ODF2L: variants seen among roughly 807,000 people sequenced by gnomAD.
ODF2L encodes outer dense fiber of sperm tails 2 like.
In ODF2L, 76 loss-of-function variants were observed where a neutral mutation model predicts 86.3. The ratio of observed to expected loss-of-function variants is 0.88; its 90% CI spans 0.73 to 1.07. The LOEUF (loss-of-function observed/expected upper bound fraction) is 1.07. ODF2L is among the 50% of genes least tolerant of loss of function. ODF2L has a pLI of 0.00. For synonymous variants in ODF2L, 241 were observed against 231.3 expected (o/e 1.04, Z -0.38); for missense variants, 748 against 717.4 (o/e 1.04, Z -0.49).
At position 86,354,851 on chromosome 1, in the gene ODF2L, TC is replaced by T; in HGVS notation, c.1526del (p.Gly509GlufsTer6). 1 of 1,588,838 alleles carries T rather than the reference TC, an allele frequency of 6.3e-7. No individual in the cohort carries two copies. The highest frequency in any genetic ancestry group is 8.6e-7 in the Non-Finnish European group (1 of 1,163,062). ...AAAGCTTTGTCAGAAGATTGTGATT[TC>T]CATCAACCTAAAAGAAAAAAAAAAG... On this transcript the variant is annotated frameshift_variant, in exon 15 of 18. Coordinates refer to ENST00000317336, the Ensembl canonical transcript of ODF2L. LOFTEE classifies it high-confidence loss of function.
chr1:86,362,107 G>A (rs1279208019), intron 11 of ODF2L, among the ~76,000 whole-genome samples: 1 of 151,988 alleles, frequency 6.6e-6, no homozygotes, highest in Non-Finnish European at 1.5e-5. Flanking sequence ...CAACAAGAAA[G>A]CCAGTGAGGT....
At chr1:86,386,990 T>A (rs1226618421) in exon 2 of ODF2L, 1 of 1,585,530 alleles carries the variant, frequency 6.3e-7, no homozygotes. Flanking sequence ...GCAAAAGAGT[T>A]CTTCTGAATG....
chr1:86,383,487 TGTATAGA>T (rs1660725077), intron 4 of ODF2L, among the ~76,000 whole-genome samples: 1 of 151,744 alleles, frequency 6.6e-6, no homozygotes, highest in African/African-American at 2.4e-5. Context: ...GTATAGAGTT[TGTATAGA>T]GTATAGAATG....
chr1:86,393,337 T>C (rs560209485), intron 1 of ODF2L, among the ~76,000 whole-genome samples: 1 of 151,174 alleles, frequency 6.6e-6, no homozygotes, highest in Non-Finnish European at 1.5e-5. Context: ...TTTTTCCCCC[T>C]ACTATTCTGG....
chr1:86,352,229 T>C, intron 17 of ODF2L: 1 of 1,488,744 alleles, frequency 6.7e-7, no homozygotes, highest in Admixed American at 2.4e-5. Flanking sequence ...CACAGTATCA[T>C]TATTCTCTAT....
At chr1:86,373,757 T>C (rs1190070446) in intron 8 of ODF2L, among the ~76,000 whole-genome samples, 1 of 152,172 alleles carries the variant, frequency 6.6e-6, no homozygotes, top group Non-Finnish European at 1.5e-5. Context: ...GTCTTTGCTA[T>C]AATGACGCCA....
intron 4 of ODF2L, among the ~76,000 whole-genome samples, chr1:86,384,323 G>T (rs1217469518): frequency 6.6e-6 from 1 of 151,702 alleles, no homozygotes; most frequent in African/African-American, 2.4e-5. Context: ...TGGAAGAACT[G>T]TATGGTATGT....
At chr1:86,347,813 G>A (rs1341247095), downstream of ODF2L, 2 of 152,124 alleles carry the variant, frequency 1.3e-5, no homozygotes, top group Non-Finnish European at 1.5e-5. Flanking sequence ...TTGATCCTTT[G>A]TAAACCACGT....
rs1661431791 is a variant in ODF2L, at chr1:86,392,933, G to GACT, written c.-60+3099_-60+3100insAGT. 2.6e-5 allele frequency among the ~76,000 whole-genome samples: 4 copies of GACT among 152,218 alleles called. 1 individual carries two copies. In the South Asian group the frequency reaches 8.3e-4, roughly 32 times the overall value. On this transcript the variant is annotated intron_variant, in intron 1 of 17. Transcript: ENST00000317336. ...CAATTTTGCCAGTCTACTGCCAAGAGGACATGTACTTAAAGCTTTTTCCAG... is the reference window on the plus strand; with the variant it reads ...CAATTTTGCCAGTCTACTGCCAAGAGACTGACATGTACTTAAAGCTTTTTCCAG...
At position 86,371,164 on chromosome 1, in the gene ODF2L, T is replaced by C; in HGVS notation, c.921-11A>G. The C allele has an allele frequency of 7.3e-7, 1 of 1,361,818 alleles. No homozygotes were observed. 84.4% of individuals were successfully genotyped at this position (1,361,818 alleles called of 1,614,324 possible). ...AGATTAATGATTTGCCTTTATAAAA[T>C]CAATGACACATTTTATAAAAGTCAT... On this transcript the variant is annotated splice_polypyrimidine_tract_variant and intron_variant, in intron 9 of 17. Transcript: ENST00000317336.
exon 1 of ODF2L, chr1:86,396,065 C>CGACAGCCCGCCGTCGCCGCGAT (rs1661723388): frequency 6.6e-6 from 1 of 152,332 alleles, no homozygotes; most frequent in Non-Finnish European, 1.5e-5. Context: ...GTCGTCGTGA[C>CGACAGCCCGCCGTCGCCGCGAT]GACAGCCCGC....
In ODF2L at chr1:86,386,947, TA is replaced by T. The variant is rs1267683248; in HGVS notation, c.80del (p.Leu27TyrfsTer13). The T allele has an allele frequency of 6.3e-7, 1 of 1,596,204 alleles. No individual in the cohort carries two copies. The highest frequency in any genetic ancestry group is 2.3e-5 in the East Asian group (1 of 43,894). ...GATGACTTTCACTGGTACACCGTGG[TA>T]AATCTTCTTTCTCTGATATAGTTTT... On this transcript the variant is annotated frameshift_variant, in exon 2 of 18. Transcript: ENST00000317336. LOFTEE classifies it high-confidence loss of function.
chr1:86,367,385 C>T (rs1267856401), intron 11 of ODF2L, among the ~76,000 whole-genome samples: 1 of 151,930 alleles, frequency 6.6e-6, no homozygotes, highest in African/African-American at 2.4e-5. Flanking sequence ...TTCAAGGAAA[C>T]ATTGGAACCA....
chr1:86,382,810 A>C (rs941924057), intron 6 of ODF2L, 121 bp downstream of exon 6: 11 of 643,850 alleles, frequency 1.7e-5, no homozygotes, highest in Middle Eastern at 6.5e-4. Context: ...ATATCCAAAT[A>C]ATCTAGAATT....
chr1:86,347,716 C>T (rs565914812), downstream of ODF2L: 1 of 152,178 alleles, frequency 6.6e-6, no homozygotes, highest in African/African-American at 2.4e-5. Flanking sequence ...TAGTTCACAA[C>T]CTGCCTTTTT....
intron 4 of ODF2L, among the ~76,000 whole-genome samples, chr1:86,384,379 T>C (rs1471796388): frequency 1.3e-5 from 2 of 150,798 alleles, no homozygotes; most frequent in Non-Finnish European, 3.0e-5. Context: ...AATATATAGA[T>C]ATGTATAAAT....
intron 10 of ODF2L, among the ~76,000 whole-genome samples, chr1:86,370,605 T>G (rs1381325854): frequency 6.6e-6 from 1 of 152,118 alleles, no homozygotes; most frequent in African/African-American, 2.4e-5. Context: ...CTGTCTCTCC[T>G]CTGGTACCTA....
chr1:86,366,236 A>G (rs1659404454), intron 11 of ODF2L, among the ~76,000 whole-genome samples: 1 of 152,032 alleles, frequency 6.6e-6, no homozygotes, highest in Middle Eastern at 3.2e-3. Context: ...AGAGATCTAA[A>G]ATTTTTTTAT....
At chr1:86,384,001 AAACT>A (rs1312647722) in intron 4 of ODF2L, among the ~76,000 whole-genome samples, 6 of 151,970 alleles carry the variant, frequency 3.9e-5, no homozygotes, top group Admixed American at 6.6e-5. Context: ...ACACAACATA[AAACT>A]AACAGTTCTT....
Sources: gnomAD v4.1 joint callset for allele counts (sites outside exome capture counted in the v4.1 genomes callset) on GRCh38, gnomAD v4.1.1 for gene constraint, MANE v1.5 for transcripts, NCBI Gene and HGNC (gene_info 2026-07-23, HGNC 2026-07-21) for gene names.